Variants in PRKCI observed in about 807,000 individuals in gnomAD.
The protein encoded by PRKCI is protein kinase C iota type.
A neutral mutation model predicts 84.0 loss-of-function variants in PRKCI; 43 were observed. That is an observed-to-expected ratio of 0.51 (90% CI 0.40 to 0.66). The LOEUF (loss-of-function observed/expected upper bound fraction) is 0.66. Ranked by LOEUF, PRKCI falls within the 30% of genes least tolerant of loss-of-function variation. The pLI is 0.00. For missense variants in PRKCI, 459 were observed against 745.6 expected (o/e 0.62, Z 4.48); for synonymous variants, 216 against 234.4 (o/e 0.92, Z 0.72).
At chr3:170,277,688 C>T (rs1183062282) in intron 8 of PRKCI, among the ~76,000 whole-genome samples, 3 of 143,954 alleles carry the variant, frequency 2.1e-5, no homozygotes, top group South Asian at 2.2e-4. Flanking sequence ...AGCGAGACTC[C>T]GTCTCAAAAA....
chr3:170,225,098 A>G (rs972691957), intron 1 of PRKCI, among the ~76,000 whole-genome samples: 10 of 152,150 alleles, frequency 6.6e-5, no homozygotes, highest in Admixed American at 2.6e-4. Flanking sequence ...TTTGACTGCA[A>G]TTTTTCCAAG....
At chr3:170,291,298 T>TA (rs1734544463) in intron 12 of PRKCI, among the ~76,000 whole-genome samples, 1 of 152,232 alleles carries the variant, frequency 6.6e-6, no homozygotes, top group African/African-American at 2.4e-5. Flanking sequence ...AACTTGTATG[T>TA]AAATTATTTT....
At chr3:170,281,726 C>T (rs1249262418) in intron 10 of PRKCI, 156 bp from the exon 11 acceptor site, 15 of 937,302 alleles carry the variant, frequency 1.6e-5, no homozygotes, top group African/African-American at 5.1e-5. Flanking sequence ...CTCGTATGTT[C>T]CGTACCCTAG....
chr3:170,251,343 T>C (rs1733438162), intron 2 of PRKCI, among the ~76,000 whole-genome samples: 1 of 152,112 alleles, frequency 6.6e-6, no homozygotes, highest in Non-Finnish European at 1.5e-5. Flanking sequence ...AAAAAGAAAG[T>C]TTGGAAAGAG....
At chr3:170,239,742 T>G (rs1733073751) in intron 2 of PRKCI, among the ~76,000 whole-genome samples, 1 of 137,372 alleles carries the variant, frequency 7.3e-6, no homozygotes, top group Non-Finnish European at 1.6e-5. Flanking sequence ...TGGTAGAGTG[T>G]TTTTTTTTTT....
intron 12 of PRKCI, among the ~76,000 whole-genome samples, chr3:170,291,310 A>C (rs974070852): frequency 6.6e-6 from 1 of 152,226 alleles, no homozygotes; most frequent in African/African-American, 2.4e-5. Flanking sequence ...AATTATTTTA[A>C]ATTCAAGTCG....
rs1477663580 is a variant in PRKCI at position 170,304,668 on chromosome 3, G to A, written c.*1541G>A. ...ATACATTTCAGAGGCAGAGTTCCTC[G>A]GATTATTTTTTATGGATATTAGTGT... is the stretch of plus-strand genomic sequence containing the variant. On this transcript the variant is annotated 3_prime_UTR_variant, in exon 18 of 18. Transcript: ENST00000295797. 1.3e-5 allele frequency: 2 copies of A among 151,906 alleles called. No individual in the cohort carries two copies. Among genetic ancestry groups the A allele is most frequent in the East Asian group, 1.9e-4 (1 of 5,190 alleles). 9.4% of individuals were successfully genotyped at this position (151,906 alleles called of 1,614,324 possible).
intron 4 of PRKCI, among the ~76,000 whole-genome samples, chr3:170,266,291 C>T (rs1331651551): frequency 6.6e-6 from 1 of 152,122 alleles, no homozygotes; most frequent in Non-Finnish European, 1.5e-5. Context: ...TATCACTTTA[C>T]AGATTAGTTA....
At chr3:170,295,100 T>C (rs893648677) in intron 14 of PRKCI, among the ~76,000 whole-genome samples, 1 of 151,722 alleles carries the variant, frequency 6.6e-6, no homozygotes, top group Admixed American at 6.6e-5. Flanking sequence ...TAATCCTAAC[T>C]ACTCAGGAGG....
intron 1 of PRKCI, among the ~76,000 whole-genome samples, chr3:170,223,004 G>C (rs1732533015): frequency 6.6e-6 from 1 of 152,130 alleles, no homozygotes; most frequent in Non-Finnish European, 1.5e-5. Flanking sequence ...GGCCAGAGTA[G>C]GGTCCGAGAA....
At chr3:170,298,266 G>T (rs116146639) in intron 16 of PRKCI, among the ~76,000 whole-genome samples, 2,275 of 152,190 alleles carry the variant, frequency 0.015, 63 homozygotes, top group African/African-American at 0.052. Context: ...AGGAGAAACA[G>T]TCTCAGTCCG....
At chr3:170,228,431 A>C (rs921925691) in intron 1 of PRKCI, among the ~76,000 whole-genome samples, 1 of 151,960 alleles carries the variant, frequency 6.6e-6, no homozygotes, top group South Asian at 2.1e-4. Flanking sequence ...GTGAAACCCT[A>C]TCTCTACAAA....
Position 170,281,910 on chromosome 3 carries a change from G to C in PRKCI, c.1009G>C (p.Gly337Arg), listed in dbSNP as rs980725247. 8.7e-6 allele frequency: 14 copies of C among 1,611,172 alleles called. No individual in the cohort carries two copies. Residue 337 changes from glycine (G) to arginine (R), a missense_variant, in exon 11 of 18, where the codon GGA becomes CGA. By Grantham distance (125) the Gly-to-Arg change is moderately radical. Around this residue, in one of 2 missense-constraint regions of PRKCI, gnomAD observed 209 missense variants for 425.9 expected, o/e 0.49. Coordinates refer to ENST00000295797, the MANE Select transcript of PRKCI (RefSeq NM_002740.6). ...GTTCTTTGTTATAGAGTATGTAAAT[G>C]GAGGAGACCTAATGTTTCATATGCA... Reference protein sequence around the residue: ...RLFFVIEYVNGGDLMFHMQRQ... With the variant: ...RLFFVIEYVNRGDLMFHMQRQ...
chr3:170,247,555 A>G (rs568732557), intron 2 of PRKCI, among the ~76,000 whole-genome samples: 1 of 151,624 alleles, frequency 6.6e-6, no homozygotes, highest in Non-Finnish European at 1.5e-5. Context: ...ACATGGAGAA[A>G]TGCCGTCTCT....
chr3:170,252,011 C>T (rs552892440), intron 2 of PRKCI, among the ~76,000 whole-genome samples: 4 of 152,060 alleles, frequency 2.6e-5, no homozygotes, highest in South Asian at 2.1e-4. Flanking sequence ...GTCAGGAGAT[C>T]GATACCATCC....
chr3:170,277,031 A>G (rs1734131749), intron 8 of PRKCI, among the ~76,000 whole-genome samples: 1 of 151,090 alleles, frequency 6.6e-6, no homozygotes, highest in African/African-American at 2.4e-5. Flanking sequence ...ACTTGAGGCC[A>G]GGAGTTTGAG....
At chr3:170,234,031 CTTTTTT>C (rs386398519) in intron 1 of PRKCI, among the ~76,000 whole-genome samples, 2 of 93,364 alleles carry the variant, frequency 2.1e-5, no homozygotes, top group South Asian at 3.7e-4. Context: ...TATACTTACA[CTTTTTT>C]TTTTTTTTTT....
At chr3:170,235,407 T>C in intron 2 of PRKCI, 56 bp downstream of exon 2, 1 of 1,577,436 alleles carries the variant, frequency 6.3e-7, no homozygotes, top group Non-Finnish European at 8.6e-7. Context: ...TATTCTATCA[T>C]TTGTTGTAAA....
At chr3:170,300,665 C>A (rs182551194) in intron 17 of PRKCI, among the ~76,000 whole-genome samples, 21 of 147,702 alleles carry the variant, frequency 1.4e-4, no homozygotes, top group Non-Finnish European at 2.2e-4. Context: ...TCAGACTAGT[C>A]AACATTGATT....
Sources: allele counts gnomAD v4.1 joint callset (sites outside exome capture counted in the v4.1 genomes callset), GRCh38; gene constraint gnomAD v4.1.1; regional missense constraint gnomAD v4.1.1; transcripts MANE v1.5; gene names NCBI Gene and HGNC (gene_info 2026-07-23, HGNC 2026-07-21).